GABRA3: variants seen among roughly 807,000 people sequenced by gnomAD.
GABRA3 encodes gamma-aminobutyric acid receptor subunit alpha-3.
In GABRA3, 10 loss-of-function variants were observed where a neutral mutation model predicts 30.1. That is an observed-to-expected ratio of 0.33 (90% CI 0.20 to 0.56). The LOEUF is 0.56. GABRA3 is among the 20% of genes least tolerant of loss of function. GABRA3 has a pLI of 0.89. For missense variants in GABRA3, 233 were observed against 392.0 expected (o/e 0.59, Z 3.42); for synonymous variants, 151 against 146.8 (o/e 1.03, Z -0.21).
At chrX:152,360,697 TAAA>T (rs1376628186) in intron 2 of GABRA3, among the ~76,000 whole-genome samples, 1 of 17,679 alleles carries the variant, frequency 5.7e-5, no homozygotes, top group African/African-American at 2.1e-4. Flanking sequence ...TAGAGTATAA[TAAA>T]AAAAAAAAAA....
chrX:152,278,943 T>G (rs1258674648), intron 4 of GABRA3, among the ~76,000 whole-genome samples: 1 of 112,005 alleles, frequency 8.9e-6, no homozygotes, highest in Non-Finnish European at 1.9e-5. Flanking sequence ...CTTCGCCCAC[T>G]TGTTGATGGG....
chrX:152,409,699 G>T (rs1290554506), intron 1 of GABRA3, among the ~76,000 whole-genome samples: 2 of 112,021 alleles, frequency 1.8e-5, no homozygotes, highest in Admixed American at 1.9e-4. Context: ...ATGAACAAAA[G>T]ATAGGCAATA....
chrX:152,195,306 T>C (rs1480361653), intron 8 of GABRA3, among the ~76,000 whole-genome samples: 8 of 112,236 alleles, frequency 7.1e-5, no homozygotes, highest in African/African-American at 2.6e-4. Context: ...ATTGTCTCTC[T>C]GCACTAGTAA....
chrX:152,359,198 G>A (rs765869079), intron 2 of GABRA3, among the ~76,000 whole-genome samples: 89 of 111,101 alleles, frequency 8.0e-4, no homozygotes, highest in African/African-American at 2.5e-3. Flanking sequence ...AGACTTTTTC[G>A]GATTGGTAGG....
chrX:152,437,907 C>T (rs1386944418), intron 1 of GABRA3, among the ~76,000 whole-genome samples: 1 of 111,536 alleles, frequency 9.0e-6, no homozygotes, highest in African/African-American at 3.3e-5. Context: ...CCAAAAAAGT[C>T]CTAGAAGACA....
chrX:152,409,355 A>C (rs1383395474), intron 1 of GABRA3, among the ~76,000 whole-genome samples: 2 of 111,536 alleles, frequency 1.8e-5, no homozygotes, highest in African/African-American at 3.3e-5. Context: ...CTAAAGAAAG[A>C]AATCAATCAA....
chrX:152,437,259 T>C (rs747457742), intron 1 of GABRA3, among the ~76,000 whole-genome samples: 1 of 112,093 alleles, frequency 8.9e-6, no homozygotes, highest in African/African-American at 3.2e-5. Flanking sequence ...AATGCACTAT[T>C]TATGTTACCA....
chrX:152,254,537 A>G (rs761153189), intron 5 of GABRA3, among the ~76,000 whole-genome samples: 1 of 109,324 alleles, frequency 9.1e-6, no homozygotes, highest in Admixed American at 9.8e-5. Context: ...CTTCTTCATT[A>G]TTTTATCCTC....
At chrX:152,386,201 G>A (rs1405568166) in intron 1 of GABRA3, among the ~76,000 whole-genome samples, 14 of 107,803 alleles carry the variant, frequency 1.3e-4, no homozygotes, top group African/African-American at 2.7e-4. Flanking sequence ...CCATTTTCAC[G>A]ATATTGATTC....
At chrX:152,406,039 T>C (rs995346964) in intron 1 of GABRA3, among the ~76,000 whole-genome samples, 7 of 110,066 alleles carry the variant, frequency 6.4e-5, no homozygotes, top group African/African-American at 2.0e-4. Flanking sequence ...TTCTCTCTTA[T>C]CTTACTTAAG....
intron 2 of GABRA3, among the ~76,000 whole-genome samples, chrX:152,358,815 C>T (rs11795570): frequency 0.12 from 13,561 of 111,068 alleles, 679 homozygotes; most frequent in African/African-American, 0.18. Flanking sequence ...TCTACTGAGA[C>T]AATTATGTGT....
chrX:152,238,960 A>AT (rs1457143832), intron 5 of GABRA3, among the ~76,000 whole-genome samples: 3 of 110,726 alleles, frequency 2.7e-5, no homozygotes, highest in African/African-American at 6.6e-5. Context: ...GGATTCATTG[A>AT]TTTTTTGAAG....
At chrX:152,450,259 C>CCCGCAGCCACAG (rs1556798217) in intron 1 of GABRA3, among the ~76,000 whole-genome samples, 10 of 110,328 alleles carry the variant, frequency 9.1e-5, no homozygotes, top group Non-Finnish European at 1.9e-4. Flanking sequence ...GCCCATGCCA[C>CCCGCAGCCACAG]CCGCAGCCAC....
intron 8 of GABRA3, among the ~76,000 whole-genome samples, chrX:152,194,261 A>G (rs1185776545): frequency 3.6e-5 from 4 of 111,775 alleles, no homozygotes; most frequent in African/African-American, 1.3e-4. Flanking sequence ...TTAAAAAAAG[A>G]TGATGTTAAG....
At chrX:152,385,240 T>C (rs1239769095) in intron 1 of GABRA3, among the ~76,000 whole-genome samples, 2 of 111,813 alleles carry the variant, frequency 1.8e-5, no homozygotes, top group Non-Finnish European at 1.9e-5. Flanking sequence ...ATATACATGA[T>C]GTACTATTTC....
At chrX:152,181,101 G>T (rs1299991904) in intron 9 of GABRA3, among the ~76,000 whole-genome samples, 1 of 99,146 alleles carries the variant, frequency 1.0e-5, no homozygotes, top group Non-Finnish European at 2.1e-5. Context: ...TGATAGAGTT[G>T]CATTTAATCT....
intron 1 of GABRA3, among the ~76,000 whole-genome samples, chrX:152,380,645 T>C (rs753571454): frequency 8.9e-6 from 1 of 111,831 alleles, no homozygotes; most frequent in Non-Finnish European, 1.9e-5. Flanking sequence ...CATATTGTAG[T>C]TCTATTCTTA....
intron 3 of GABRA3, among the ~76,000 whole-genome samples, chrX:152,320,211 C>T (rs771709600): frequency 9.0e-6 from 1 of 111,525 alleles, no homozygotes; most frequent in African/African-American, 3.3e-5. Context: ...TCCAGCAATC[C>T]CACTACTGGA....
intron 4 of GABRA3, among the ~76,000 whole-genome samples, chrX:152,281,030 G>C (rs1481573772): frequency 9.0e-6 from 1 of 110,939 alleles, no homozygotes; most frequent in Non-Finnish European, 1.9e-5. Flanking sequence ...AGAGAAGGTG[G>C]AGCAGTGCCT....
Sources: gnomAD v4.1 joint callset for allele counts (sites outside exome capture counted in the v4.1 genomes callset) on GRCh38, gnomAD v4.1.1 for gene constraint, MANE v1.5 for transcripts, NCBI Gene and HGNC (gene_info 2026-07-23, HGNC 2026-07-21) for gene names.